Variants in PPIL4 observed in about 807,000 individuals in gnomAD.
The protein encoded by PPIL4 is peptidyl-prolyl cis-trans isomerase-like 4.
Under a neutral mutation model 69.1 loss-of-function variants are expected in PPIL4, and 50 were observed. That is an observed-to-expected ratio of 0.72 (90% CI 0.58 to 0.92). The LOEUF (loss-of-function observed/expected upper bound fraction) is 0.92. Among genes scored for constraint, PPIL4 ranks in the 40% least tolerant of loss-of-function variants. PPIL4 has a pLI of 0.00. For synonymous variants in PPIL4, 193 were observed against 191.6 expected (o/e 1.01, Z -0.06); for missense variants, 480 against 587.9 (o/e 0.82, Z 1.90).
At chr6:149,536,574 C>T (rs1419756508) in intron 4 of PPIL4, among the ~76,000 whole-genome samples, 1 of 152,074 alleles carries the variant, frequency 6.6e-6, no homozygotes, top group Non-Finnish European at 1.5e-5. Context: ...AAACCAGCCA[C>T]AACGATCCCT....
intron 12 of PPIL4, among the ~76,000 whole-genome samples, chr6:149,508,042 T>C (rs1776792052): frequency 1.3e-5 from 2 of 152,220 alleles, no homozygotes; most frequent in Admixed American, 1.3e-4. Context: ...AATGAAGCCA[T>C]GTAAGAGGAG....
At chr6:149,524,168 A>G (rs1314704668) in intron 9 of PPIL4, among the ~76,000 whole-genome samples, 4 of 152,202 alleles carry the variant, frequency 2.6e-5, no homozygotes. Flanking sequence ...GACATATCTG[A>G]GTTCAAATCC....
In PPIL4 at chr6:149,517,459, T is replaced by C; in HGVS notation, c.983-9A>G. ...CTTGGTGTATTTCCCACCTATTTAT[T>C]AAGAAAAGAAAAAAAGAGCTTAGTA... On this transcript the variant is annotated splice_polypyrimidine_tract_variant and intron_variant, in intron 10 of 12. Transcript: ENST00000253329. The C allele has an allele frequency of 6.9e-7, 1 of 1,450,366 alleles. No individual in the cohort carries two copies. The highest frequency in any genetic ancestry group is 9.4e-7 in the Non-Finnish European group (1 of 1,068,668). The allele number at this position is 1,450,366 out of a possible 1,614,324, so 89.8% of individuals were successfully genotyped here.
chr6:149,541,466 G>A (rs1367449961), intron 2 of PPIL4, 35 bp from the exon 3 acceptor site: 4 of 1,536,664 alleles, frequency 2.6e-6, no homozygotes, highest in South Asian at 2.3e-5. Context: ...AATTCACAGA[G>A]TTTGTTAGAT....
chr6:149,541,245 TG>T (rs1189862092), intron 3 of PPIL4, 121 bp downstream of exon 3: 10 of 522,956 alleles, frequency 1.9e-5, no homozygotes, highest in Admixed American at 3.9e-5. Context: ...AAATGCAGAT[TG>T]AAGCATGAGC....
intron 12 of PPIL4, among the ~76,000 whole-genome samples, chr6:149,508,743 A>G (rs1412054489): frequency 6.6e-6 from 1 of 152,192 alleles, no homozygotes; most frequent in Non-Finnish European, 1.5e-5. Context: ...GTAAAACCCA[A>G]ACCTCAACAA....
At chr6:149,513,278 G>A (rs1418951228) in intron 11 of PPIL4, among the ~76,000 whole-genome samples, 3 of 145,436 alleles carry the variant, frequency 2.1e-5, no homozygotes, top group Non-Finnish European at 4.5e-5. Flanking sequence ...CCAGCTACTC[G>A]GGAGGCTGAG....
chr6:149,527,153 T>C (rs1344218342), intron 7 of PPIL4, among the ~76,000 whole-genome samples: 1 of 151,630 alleles, frequency 6.6e-6, no homozygotes, highest in Non-Finnish European at 1.5e-5. Flanking sequence ...AGGTCAGGAG[T>C]TCAAGATCAG....
rs142538184 is a variant in PPIL4, at chr6:149,534,254, T to C, written c.561+424A>G. Among the ~76,000 whole-genome samples, 5 of 152,316 alleles carry C rather than the reference T, an allele frequency of 3.3e-5. No homozygotes were observed. The East Asian group carries it at 5.8e-4, about 18-fold the overall frequency. On this transcript the variant is annotated intron_variant, in intron 6 of 12. Transcript: ENST00000253329. ...GACAATTAAGCACCAATCCCAACCA[T>C]AAAGACAAATTCAGCTTTCAGGAAG...
intron 4 of PPIL4, among the ~76,000 whole-genome samples, chr6:149,539,466 C>G (rs773153222): frequency 2.0e-4 from 31 of 152,132 alleles, no homozygotes; most frequent in Non-Finnish European, 3.4e-4. Context: ...CACCCTTGAC[C>G]TCCTGGGCTC....
rs371701842 is a variant in PPIL4, at chr6:149,516,589, T to C, written c.1079+765A>G. On this transcript the variant is annotated intron_variant, in intron 11 of 12. Transcript: ENST00000253329. ...AATGTGTGGAGTGATATATTTATAATGGGAAAAATTAGTGAACCAATTTAA... is the reference window on the plus strand; with the variant it reads ...AATGTGTGGAGTGATATATTTATAACGGGAAAAATTAGTGAACCAATTTAA... Among the ~76,000 whole-genome samples, 16 of 152,284 alleles carry C rather than the reference T, an allele frequency of 1.1e-4. No individual in the cohort carries two copies. In the South Asian group the frequency reaches 3.3e-3, roughly 32 times the overall value.
chr6:149,545,476 T>C (rs1362933928), intron 1 of PPIL4, among the ~76,000 whole-genome samples: 2 of 152,132 alleles, frequency 1.3e-5, no homozygotes, highest in Non-Finnish European at 2.9e-5. Context: ...AGACAACCTC[T>C]TCCTCCTCCA....
chr6:149,530,099 C>A (rs1777172775), intron 7 of PPIL4, among the ~76,000 whole-genome samples: 1 of 152,114 alleles, frequency 6.6e-6, no homozygotes, highest in Non-Finnish European at 1.5e-5. Context: ...TTGTCAGTTC[C>A]ACCGAATGTA....
chr6:149,510,274 A>G (rs1202436375), intron 12 of PPIL4, among the ~76,000 whole-genome samples: 5 of 152,194 alleles, frequency 3.3e-5, no homozygotes. Context: ...TCAATAACCC[A>G]TAAAACACAT....
intron 4 of PPIL4, 53 bp downstream of exon 4, chr6:149,540,889 C>T (rs1777348895): frequency 2.8e-5 from 30 of 1,089,296 alleles, no homozygotes; most frequent in Middle Eastern, 2.0e-4. Flanking sequence ...TCTGTGGGCT[C>T]CTTCCAGTCC....
rs1205861217 is a variant in PPIL4, at chr6:149,512,178, T to C, written c.1204A>G (p.Met402Val). 2.5e-6 allele frequency: 4 copies of C among 1,612,282 alleles called. No individual in the cohort carries two copies. Among genetic ancestry groups the C allele is most frequent in the Non-Finnish European group, 3.4e-6 (4 of 1,179,208 alleles). ...ACCTGATTAGTATTTTTGATTGGCA[T>C]GTAGTCCTCATCTTCTTTCTCTTCA... ...CSEEKEDEDY[M>V]PIKNTNQDIY... The change falls in exon 12 of 13, where the codon ATG becomes GTG. Residue 402 changes from methionine to valine, a missense_variant. Physicochemically the swap from Met to Val is conservative, Grantham distance 21. Coordinates refer to ENST00000253329, the MANE Select transcript of PPIL4 (RefSeq NM_139126.4).
intron 1 of PPIL4, among the ~76,000 whole-genome samples, chr6:149,545,715 G>A (rs962379042): frequency 3.3e-5 from 5 of 152,164 alleles, no homozygotes; most frequent in African/African-American, 1.2e-4. Flanking sequence ...CACCGGACTG[G>A]CCAACACAAA....
At chr6:149,514,217 ACT>A (rs1169228427) in intron 11 of PPIL4, among the ~76,000 whole-genome samples, 1 of 152,050 alleles carries the variant, frequency 6.6e-6, no homozygotes, top group Non-Finnish European at 1.5e-5. Context: ...TCACTATGCT[ACT>A]CTGTTTCCGG....
intron 6 of PPIL4, 31 bp from the exon 7 acceptor site, chr6:149,533,605 T>TA: frequency 8.0e-7 from 1 of 1,245,792 alleles, no homozygotes; most frequent in Non-Finnish European, 1.1e-6. Context: ...CATGTATATA[T>TA]TTAAAGAATA....
Sources: gnomAD v4.1 joint callset for allele counts (sites outside exome capture counted in the v4.1 genomes callset) on GRCh38, gnomAD v4.1.1 for gene constraint, MANE v1.5 for transcripts, NCBI Gene and HGNC (gene_info 2026-07-23, HGNC 2026-07-21) for gene names.